COX20: variants seen among roughly 807,000 people sequenced by gnomAD.
The protein encoded by COX20 is cytochrome c oxidase assembly factor COX20, also known as cytochrome c oxidase assembly protein COX20, mitochondrial.
COX20 carries 14 observed loss-of-function variants against 14.3 expected under a neutral mutation model. That is an observed-to-expected ratio of 0.98 (90% CI 0.65 to 1.53). COX20 has a LOEUF of 1.53. Among genes scored for constraint, COX20 ranks in the 40% most tolerant of loss-of-function variants. COX20 has a pLI of 0.00. For synonymous variants in COX20, 56 were observed against 51.7 expected (o/e 1.08, Z -0.36); for missense variants, 149 against 142.1 (o/e 1.05, Z -0.25).
chr1:244,837,451 T>C lies in COX20; in HGVS notation c.42+1695T>C, dbSNP rs1680029221. ...ATTATAAGAATTAGCAAACCTAAAG[T>C]AAAAATGGGAGTTACCAAGCTGGCA... On this transcript the variant is annotated intron_variant, in intron 1 of 3. Transcript: ENST00000411948. Among the ~76,000 whole-genome samples, 3 of 152,002 alleles carry C rather than the reference T, an allele frequency of 2.0e-5. No individual in the cohort carries two copies. The South Asian group carries it at 6.2e-4, about 32-fold the overall frequency.
chr1:244,843,128 T>C lies in COX20; in HGVS notation c.309T>C (p.Gly103=), dbSNP rs371098560. 39 of 1,599,040 alleles carry C rather than the reference T, an allele frequency of 2.4e-5. No homozygotes were observed. The African/African-American group carries it at 4.6e-4, about 19-fold the overall frequency. ...TTAAAAAGAAGATATTATATGAAGG[T>C]ACCCACCTCGATCCTGAAAGAAAAC... ...EEIKKKILYE[G]THLDPERKHN... Residue 103 remains glycine, a synonymous_variant, in exon 4 of 4, where the codon GGT becomes GGC. Transcript: ENST00000411948.
chr1:244,836,072 G>A (rs1679971212), intron 1 of COX20, among the ~76,000 whole-genome samples: 1 of 152,220 alleles, frequency 6.6e-6, no homozygotes, highest in South Asian at 2.1e-4. Context: ...ACTGTAATTT[G>A]TTAGTAAAGG....
intron 1 of COX20, 28 bp downstream of exon 1, chr1:244,835,784 C>T (rs1679956129): frequency 1.6e-6 from 2 of 1,248,694 alleles, no homozygotes; most frequent in Non-Finnish European, 1.0e-6. Context: ...GGGGCGCGCG[C>T]CGCGGGTGGG....
chr1:244,836,599 A>G (rs140874709), intron 1 of COX20: 18 of 1,257,128 alleles, frequency 1.4e-5, no homozygotes, highest in Admixed American at 6.4e-5. Flanking sequence ...CTCAGGGCAG[A>G]ACAGGTATTC....
chr1:244,836,094 G>A (rs10927331), intron 1 of COX20, among the ~76,000 whole-genome samples: 24,329 of 152,180 alleles, frequency 0.16, 2,216 homozygotes, highest in Middle Eastern at 0.32. Context: ...TAATAGTAGA[G>A]ATTAAAGCTC....
chr1:244,840,935 G>A (rs749271213), intron 1 of COX20: 1 of 152,152 alleles, frequency 6.6e-6, no homozygotes, highest in Non-Finnish European at 1.5e-5. Flanking sequence ...TAAATGGACA[G>A]TGGTTCCTTT....
intron 1 of COX20, among the ~76,000 whole-genome samples, 180 bp downstream of exon 1, chr1:244,835,936 G>C (rs1012238621): frequency 6.6e-6 from 1 of 152,182 alleles, no homozygotes; most frequent in East Asian, 1.9e-4. Flanking sequence ...AAGTGGCCGG[G>C]ACAAAATTGA....
At position 244,842,028 on chromosome 1, in the gene COX20, G is replaced by T. The variant is rs1558178359; in HGVS notation, c.127G>T (p.Val43Leu). The part of the protein sequence containing the change: ...SILYGSLGSV[V>L]AGFGHFLFTS... ...ATTGTATGGTTCATTAGGATCTGTT[G>T]TGGCTGGCTTTGGACATTTTTTGTT... is the stretch of plus-strand genomic sequence containing the variant. Residue 43 changes from valine (V) to leucine (L), a missense_variant, in exon 2 of 4, where the codon GTG (valine) becomes TTG (leucine). By Grantham distance (32) the Val-to-Leu change is conservative. Transcript: ENST00000411948. The T allele has an allele frequency of 6.2e-7, 1 of 1,610,920 alleles. No individual in the cohort carries two copies. Among genetic ancestry groups the T allele is most frequent in the Non-Finnish European group, 8.5e-7 (1 of 1,177,556 alleles).
chr1:244,838,275 C>G (rs1319910350), intron 1 of COX20, among the ~76,000 whole-genome samples: 1 of 152,058 alleles, frequency 6.6e-6, no homozygotes, highest in Non-Finnish European at 1.5e-5. Context: ...TTTGCAAATA[C>G]GAGGTTCAAG....
Position 244,835,768 on chromosome 1 carries a change from G to T in COX20, c.42+12G>T. The T allele has an allele frequency of 8.0e-7, 1 of 1,254,584 alleles. No individual in the cohort carries two copies. Among genetic ancestry groups the T allele is most frequent in the Non-Finnish European group, 1.0e-6 (1 of 997,858 alleles). 77.7% of individuals were successfully genotyped at this position (1,254,584 alleles called of 1,614,324 possible). A position where few individuals can be genotyped will look rare whatever the true frequency, so the allele number is the denominator to read the frequency against. ...CCGAGGAGAGGAAGGTAACCTGGGGGTCGGCGGGGCGCGCGCCGCGGGTGG... is the reference window on the plus strand; with the variant it reads ...CCGAGGAGAGGAAGGTAACCTGGGGTTCGGCGGGGCGCGCGCCGCGGGTGG... On this transcript the variant is annotated intron_variant, in intron 1 of 3. Coordinates refer to ENST00000411948, the MANE Select transcript of COX20 (RefSeq NM_198076.6).
In COX20 at chr1:244,835,718, G is replaced by A. The variant is rs1028455783; in HGVS notation, c.4G>A (p.Ala2Thr). The A allele has an allele frequency of 2.4e-6, 3 of 1,266,924 alleles. No homozygotes were observed. The highest frequency in any genetic ancestry group is 5.8e-5 in the South Asian group (2 of 34,612). 78.5% of individuals were successfully genotyped at this position (1,266,924 alleles called of 1,614,324 possible). The change falls in exon 1 of 4, where the codon GCC (alanine) becomes ACC (threonine). Residue 2 changes from alanine to threonine, a missense_variant. Transcript: ENST00000411948. ...GTGGAGTCGCGGAGTAGTCCTCATG[G>A]CCGCCCCGCCGGAGCCCGGTGAGCC... M[A>T]APPEPGEPEE...
Position 244,843,845 on chromosome 1 carries a change from T to G in COX20, c.*669T>G, listed in dbSNP as rs1680313738. On this transcript the variant is annotated 3_prime_UTR_variant, in exon 4 of 4. Transcript: ENST00000411948. ...AAAACAACTGCAGAATTACTATTAATGTAAACAATCCATTTGAAAGTCAAT... is the reference window on the plus strand; with the variant it reads ...AAAACAACTGCAGAATTACTATTAAGGTAAACAATCCATTTGAAAGTCAAT... 2 of 152,212 alleles carry G rather than the reference T, an allele frequency of 1.3e-5. No homozygotes were observed. The highest frequency in any genetic ancestry group is 2.9e-5 in the Non-Finnish European group (2 of 68,038). 9.4% of individuals were successfully genotyped at this position (152,212 alleles called of 1,614,324 possible). A position where few individuals can be genotyped will look rare whatever the true frequency, so the allele number is the denominator to read the frequency against.
intron 1 of COX20, among the ~76,000 whole-genome samples, chr1:244,837,612 A>T (rs1680034751): frequency 6.6e-6 from 1 of 152,210 alleles, no homozygotes; most frequent in East Asian, 1.9e-4. Context: ...TTCAAAAAAT[A>T]TTTAGAGTAC....
chr1:244,839,182 G>A (rs925742650), intron 1 of COX20, among the ~76,000 whole-genome samples: 9 of 151,568 alleles, frequency 5.9e-5, no homozygotes, highest in African/African-American at 1.9e-4. Flanking sequence ...ATGCAAGAGG[G>A]GAATCAAGTG....
At chr1:244,838,112 C>T (rs1434075098) in intron 1 of COX20, among the ~76,000 whole-genome samples, 3 of 152,142 alleles carry the variant, frequency 2.0e-5, no homozygotes, top group South Asian at 4.1e-4. Context: ...AGTGGTCTGG[C>T]TCAGGATGTA....
chr1:244,835,795 C>T (rs773176459), intron 1 of COX20, 39 bp downstream of exon 1: 12 of 1,242,198 alleles, frequency 9.7e-6, no homozygotes, highest in South Asian at 6.8e-5. Context: ...CGCGGGTGGG[C>T]GGTGGGTAAG....
intron 1 of COX20, chr1:244,840,397 T>C (rs535938262): frequency 6.6e-6 from 1 of 152,380 alleles, no homozygotes; most frequent in African/African-American, 2.4e-5. Flanking sequence ...GGAAATAGTC[T>C]AGTTTAGAGG....
At chr1:244,838,679 TA>T (rs1162448338) in intron 1 of COX20, among the ~76,000 whole-genome samples, 5 of 152,148 alleles carry the variant, frequency 3.3e-5, no homozygotes, top group African/African-American at 1.2e-4. Flanking sequence ...TCAAGTGAGT[TA>T]AAGGGAGAAT....
rs1194580273 is a variant in COX20, at chr1:244,836,491, TGTA to T, written c.42+736_42+738del. ...ACTTTCCCCATCTTCCCAGGCATCT[TGTA>T]CGTCGTTACATTTATCATATTGGAA... On this transcript the variant is annotated intron_variant, in intron 1 of 3. Transcript: ENST00000411948. 3.2e-6 allele frequency: 5 copies of T among 1,550,466 alleles called. No homozygotes were observed. The African/African-American group carries it at 5.5e-5, about 17-fold the overall frequency.
Sources: allele counts gnomAD v4.1 joint callset (sites outside exome capture counted in the v4.1 genomes callset), GRCh38; gene constraint gnomAD v4.1.1; transcripts MANE v1.5; gene names NCBI Gene and HGNC (gene_info 2026-07-23, HGNC 2026-07-21).